The following ZNF423 variants were observed in gnomAD, a reference collection of about 807,000 sequenced individuals.
The protein encoded by ZNF423 is Ebf-associated zinc finger protein.
In ZNF423, 12 loss-of-function variants were observed where a neutral mutation model predicts 95.8. That is an observed-to-expected ratio of 0.13 (90% CI 0.08 to 0.20). The LOEUF (loss-of-function observed/expected upper bound fraction) is 0.20. Ranked by LOEUF, ZNF423 falls within the 10% of genes least tolerant of loss-of-function variation. The probability of loss-of-function intolerance (pLI) is 1.00; values close to 1 mark genes in which losing one functional copy is unlikely to be tolerated. For missense variants in ZNF423, 1,316 were observed against 1,737.1 expected, an observed-to-expected ratio of 0.76 and a Z score of 4.31; for synonymous variants, 749 against 711.9, an observed-to-expected ratio of 1.05 and a Z score of -0.83.
chr16:49,638,741 T>G lies in ZNF423; in HGVS notation c.435A>C (p.Pro145=). The G allele has an allele frequency of 6.2e-7, 1 of 1,614,130 alleles. No homozygotes were observed. The highest frequency in any genetic ancestry group is 8.5e-7 in the Non-Finnish European group (1 of 1,180,032). The change falls in exon 4 of 8, where the codon CCA becomes CCC. Residue 145 remains proline, a synonymous_variant. Transcript: ENST00000563137. The surrounding 1 kb of genome is among the most constrained non-coding windows in gnomAD (Gnocchi z 5.6). Reference sequence around the variant, plus strand: ...ACTTGTCGCAGAACTGGCAAGGGTATGGCAGGCCCGTGCCCCCTTCCTCCT... The same window carrying G: ...ACTTGTCGCAGAACTGGCAAGGGTAGGGCAGGCCCGTGCCCCCTTCCTCCT... The part of the protein sequence containing the change: ...LGEEEGGTGL[P]YPCQFCDKSF...
chr16:49,854,023 A>T (rs1319388307), intron 1 of ZNF423: 1 of 985,236 alleles, frequency 1.0e-6, no homozygotes, highest in Non-Finnish European at 1.2e-6. Flanking sequence ...AGGGAAAGAG[A>T]AAAGAAATCC....
At chr16:49,572,547 T>A (rs1321742704) in intron 5 of ZNF423, among the ~76,000 whole-genome samples, 1 of 152,152 alleles carries the variant, frequency 6.6e-6, no homozygotes, top group Non-Finnish European at 1.5e-5. Context: ...ATAAGATAGC[T>A]GAGCAAAACA....
chr16:49,532,482 C>T (rs1209536284), intron 5 of ZNF423, among the ~76,000 whole-genome samples: 1 of 152,192 alleles, frequency 6.6e-6, no homozygotes, highest in African/African-American at 2.4e-5. Context: ...CCAGAAGGGA[C>T]CCATCGTATG....
intron 3 of ZNF423, 164 bp downstream of exon 3, chr16:49,730,607 G>A: frequency 1.4e-6 from 1 of 725,818 alleles, no homozygotes; most frequent in East Asian, 2.7e-5. Flanking sequence ...ATTTTTAATT[G>A]TATTTAAAAG....
At chr16:49,810,652 G>GC (rs1567353615) in intron 1 of ZNF423, among the ~76,000 whole-genome samples, 1 of 152,122 alleles carries the variant, frequency 6.6e-6, no homozygotes, top group African/African-American at 2.4e-5. Context: ...TGAATTCATC[G>GC]CAAGCCCTTT....
Position 49,712,688 on chromosome 16 carries a change from A to G in ZNF423, c.301+18083T>C, listed in dbSNP as rs140139984. On this transcript the variant is annotated intron_variant, in intron 3 of 7. Transcript: ENST00000563137. ...GCCGCCACATCACCTTGCCCTGCAC[A>G]CAAATAAAAATAGCTTTGGTGCTCA... Among the ~76,000 whole-genome samples the G allele has an allele frequency of 1.9e-3, 287 of 152,380 alleles. 1 individual carries two copies. The highest frequency in any genetic ancestry group is 6.7e-3 in the African/African-American group (278 of 41,594).
At chr16:49,579,704 G>A (rs1212753112) in intron 5 of ZNF423, among the ~76,000 whole-genome samples, 2 of 152,110 alleles carry the variant, frequency 1.3e-5, no homozygotes, top group East Asian at 3.9e-4. Context: ...GCCAGCCCCT[G>A]CTCCATCCTT....
chr16:49,750,005 G>A (rs2033603564), intron 2 of ZNF423, among the ~76,000 whole-genome samples: 1 of 152,186 alleles, frequency 6.6e-6, no homozygotes, highest in Non-Finnish European at 1.5e-5. Flanking sequence ...AGGGCCATGT[G>A]GTGGAGAGTT....
chr16:49,610,169 A>C (rs1356570331), intron 5 of ZNF423, among the ~76,000 whole-genome samples: 1 of 152,242 alleles, frequency 6.6e-6, no homozygotes, highest in Non-Finnish European at 1.5e-5. Flanking sequence ...CACCAGCAGA[A>C]TCACCCTAAA....
intron 1 of ZNF423, among the ~76,000 whole-genome samples, chr16:49,844,680 C>G (rs778394638): frequency 8.5e-5 from 13 of 152,214 alleles, no homozygotes; most frequent in Non-Finnish European, 1.9e-4. Context: ...CACTTGTTCA[C>G]CCATTCATAT....
At chr16:49,540,049 G>C (rs1302250771) in intron 5 of ZNF423, among the ~76,000 whole-genome samples, 1 of 152,162 alleles carries the variant, frequency 6.6e-6, no homozygotes, top group Non-Finnish European at 1.5e-5. Context: ...CCAATGTTCT[G>C]GTGCCACTGA....
chr16:49,637,729 C>T lies in ZNF423; in HGVS notation c.1447G>A (p.Gly483Ser), dbSNP rs1179821169. 6.2e-7 allele frequency: 1 copy of T among 1,614,118 alleles called. No homozygotes were observed. The highest frequency in any genetic ancestry group is 1.3e-5 in the African/African-American group (1 of 75,040). The change falls in exon 4 of 8, where the codon GGC becomes AGC. Residue 483 changes from glycine (G) to serine (S), a missense_variant. This residue lies in a region of ZNF423 where 399 missense variants were observed against 478.5 expected (regional missense o/e 0.83). Transcript: ENST00000563137. The surrounding 1 kb of genome is among the most constrained non-coding windows in gnomAD (Gnocchi z 5.6). ...TTGCAGTGGAAGGCAGAGATGTTGCCAAACTGCATCACAGGGTAGGCATGG... is the reference window on the plus strand; with the variant it reads ...TTGCAGTGGAAGGCAGAGATGTTGCTAAACTGCATCACAGGGTAGGCATGG... ...KNHAYPVMQFGNISAFHCNYC... is the reference protein window; with the variant it reads ...KNHAYPVMQFSNISAFHCNYC...
chr16:49,742,552 T>A (rs978914253), intron 2 of ZNF423, among the ~76,000 whole-genome samples: 3 of 152,082 alleles, frequency 2.0e-5, no homozygotes, highest in Non-Finnish European at 4.4e-5. Context: ...TACCTCCTCG[T>A]GACCTCCTGA....
chr16:49,762,457 C>T lies in ZNF423; in HGVS notation c.100+27030G>A, dbSNP rs532069554. On this transcript the variant is annotated intron_variant, in intron 2 of 7. Coordinates refer to ENST00000563137, the MANE Select transcript of ZNF423 (RefSeq NM_001379286.1). ...GGCACAAAGACCCCGAGTGAGCTTC[C>T]CAACCTCTCTGTGAGGCTGGTGAGC... 1.1e-3 allele frequency among the ~76,000 whole-genome samples: 170 copies of T among 152,314 alleles called. 2 individuals are homozygous for T. Among genetic ancestry groups the T allele is most frequent in the African/African-American group, 3.9e-3 (164 of 41,558 alleles).
intron 7 of ZNF423, chr16:49,518,424 T>C (rs1471894434): frequency 4.6e-6 from 2 of 437,232 alleles, no homozygotes; most frequent in Non-Finnish European, 9.0e-6. Flanking sequence ...ACTTTTTCTG[T>C]ACACAGAACA....
chr16:49,771,549 G>A (rs1157383950), intron 2 of ZNF423, among the ~76,000 whole-genome samples: 5 of 152,068 alleles, frequency 3.3e-5, no homozygotes, highest in African/African-American at 4.8e-5. Flanking sequence ...GTTGTGGGAG[G>A]GACCCTGTTG....
At chr16:49,519,948 A>G (rs1227616100) in intron 7 of ZNF423, among the ~76,000 whole-genome samples, 2 of 152,118 alleles carry the variant, frequency 1.3e-5, no homozygotes, top group Admixed American at 6.6e-5. Flanking sequence ...CTTCCACACA[A>G]TACTGCCTTC....
At chr16:49,724,634 C>T (rs1002969326) in intron 3 of ZNF423, among the ~76,000 whole-genome samples, 18 of 152,354 alleles carry the variant, frequency 1.2e-4, no homozygotes, top group Admixed American at 2.0e-4. Flanking sequence ...CGACAGCACA[C>T]GGCTGGCAAA....
intron 5 of ZNF423, among the ~76,000 whole-genome samples, chr16:49,608,425 T>C (rs1444624977): frequency 6.6e-6 from 1 of 152,198 alleles, no homozygotes; most frequent in Non-Finnish European, 1.5e-5. Context: ...ACAATGTTTA[T>C]GGAGGTTCTC....
Sources: gnomAD v4.1 joint callset for allele counts (sites outside exome capture counted in the v4.1 genomes callset) on GRCh38, gnomAD v4.1.1 for gene constraint, gnomAD v4.1.1 regional missense constraint, Gnocchi (gnomAD v3.1) non-coding constraint, MANE v1.5 for transcripts, NCBI Gene and HGNC (gene_info 2026-07-23, HGNC 2026-07-21) for gene names.